Variants in WWC2 observed in about 807,000 individuals in gnomAD.
WWC2 encodes WW and C2 domain containing 2, also known as protein WWC2.
In WWC2, 101 loss-of-function variants were observed where a neutral mutation model predicts 138.5. That is an observed-to-expected ratio of 0.73 (90% CI 0.62 to 0.86). The LOEUF (loss-of-function observed/expected upper bound fraction) is 0.86. Among genes scored for constraint, WWC2 ranks in the 40% least tolerant of loss-of-function variants. The pLI is 0.00. For synonymous variants in WWC2, 558 were observed against 538.4 expected (o/e 1.04, Z -0.50); for missense variants, 1,420 against 1,419.4 (o/e 1.00, Z -0.01).
intron 4 of WWC2, among the ~76,000 whole-genome samples, chr4:183,221,332 C>T (rs982715598): frequency 2.6e-5 from 4 of 152,174 alleles, no homozygotes; most frequent in Non-Finnish European, 4.4e-5. Context: ...AAGGACAAAT[C>T]TCTAATTATA....
chr4:183,183,860 C>T (rs958835514), intron 1 of WWC2, among the ~76,000 whole-genome samples: 9 of 151,606 alleles, frequency 5.9e-5, no homozygotes, highest in Non-Finnish European at 8.8e-5. Flanking sequence ...TTGTATTTGG[C>T]GTTTCTTTTT....
intron 21 of WWC2, among the ~76,000 whole-genome samples, chr4:183,293,378 G>C (rs973243587): frequency 7.9e-5 from 12 of 152,186 alleles, no homozygotes; most frequent in African/African-American, 2.9e-4. Context: ...AGATTAAGGA[G>C]AAAAATCATT....
intron 8 of WWC2, among the ~76,000 whole-genome samples, chr4:183,252,539 A>G (rs563012751): frequency 4.9e-4 from 74 of 152,190 alleles, no homozygotes; most frequent in Non-Finnish European, 9.4e-4. Context: ...AAAATTATGG[A>G]AACAGTGAGG....
intron 1 of WWC2, among the ~76,000 whole-genome samples, chr4:183,107,088 T>C (rs566402467): frequency 6.6e-6 from 1 of 152,064 alleles, no homozygotes; most frequent in Non-Finnish European, 1.5e-5. Context: ...TTCTCTCTCT[T>C]TCTCTCCTTC....
chr4:183,206,326 T>C (rs1580056845), intron 2 of WWC2, among the ~76,000 whole-genome samples: 2 of 152,166 alleles, frequency 1.3e-5, no homozygotes, highest in Admixed American at 1.3e-4. Flanking sequence ...TCAAGCTTCA[T>C]GTGTTTTCTG....
intron 1 of WWC2, among the ~76,000 whole-genome samples, chr4:183,172,550 TTTC>T (rs1456979029): frequency 2.7e-4 from 39 of 147,098 alleles, no homozygotes; most frequent in African/African-American, 8.8e-4. Context: ...TGCTTTTATG[TTTC>T]TTGTTTTTTT....
intron 8 of WWC2, 23 bp from the exon 9 acceptor site, chr4:183,253,734 C>T (rs2111341861): frequency 1.2e-6 from 2 of 1,601,188 alleles, no homozygotes; most frequent in African/African-American, 1.4e-5. Context: ...ATGTGCATAC[C>T]TCTTCTATCT....
chr4:183,270,324 C>T (rs945606355), intron 15 of WWC2, among the ~76,000 whole-genome samples: 1 of 152,082 alleles, frequency 6.6e-6, no homozygotes, highest in Middle Eastern at 3.2e-3. Context: ...TTATCCTTTA[C>T]TTTTTTTGCC....
intron 4 of WWC2, among the ~76,000 whole-genome samples, chr4:183,219,104 T>C (rs943439723): frequency 2.6e-5 from 4 of 152,078 alleles, no homozygotes; most frequent in African/African-American, 9.7e-5. Context: ...AGAACAAATA[T>C]GATTCATCTT....
intron 1 of WWC2, among the ~76,000 whole-genome samples, chr4:183,180,271 G>A (rs1380361804): frequency 2.6e-5 from 4 of 152,092 alleles, no homozygotes; most frequent in African/African-American, 9.7e-5. Context: ...GGTGTCATAG[G>A]CATCTGCAAC....
chr4:183,281,058 G>T, intron 17 of WWC2, 161 bp downstream of exon 17: 1 of 1,036,984 alleles, frequency 9.6e-7, no homozygotes. Context: ...TCATTAGAGA[G>T]TTAAGGAAGT....
chr4:183,099,556 A>G lies in WWC2; in HGVS notation c.65A>G (p.Tyr22Cys). 7.0e-7 allele frequency: 1 copy of G among 1,423,784 alleles called. No individual in the cohort carries two copies. Among genetic ancestry groups the G allele is most frequent in the Non-Finnish European group, 9.3e-7 (1 of 1,072,850 alleles). 88.2% of individuals were successfully genotyped at this position (1,423,784 alleles called of 1,614,324 possible). ...CGGGGCTGGGAGGAGGCCAGGGACTACGACGGCAAGGTCTTCTACATTGAC... is the reference window on the plus strand; with the variant it reads ...CGGGGCTGGGAGGAGGCCAGGGACTGCGACGGCAAGGTCTTCTACATTGAC... ...LPRGWEEARD[Y>C]DGKVFYIDHN... The change falls in exon 1 of 23, where the codon TAC (tyrosine) becomes TGC (cysteine). Residue 22 changes from tyrosine to cysteine, a missense_variant. By Grantham distance (194) the Tyr-to-Cys change is radical (BLOSUM62 -2). Transcript: ENST00000403733.
chr4:183,161,737 A>C (rs1208497622), intron 1 of WWC2, among the ~76,000 whole-genome samples: 3 of 152,214 alleles, frequency 2.0e-5, no homozygotes. Context: ...TTTGCAGCCT[A>C]GGAGCGAAAG....
intron 4 of WWC2, among the ~76,000 whole-genome samples, chr4:183,214,461 T>G (rs1214775075): frequency 6.6e-6 from 1 of 152,074 alleles, no homozygotes; most frequent in Non-Finnish European, 1.5e-5. Context: ...GCTAATTATC[T>G]CACACAGCAA....
At chr4:183,111,703 T>G (rs1342275304) in intron 1 of WWC2, among the ~76,000 whole-genome samples, 2 of 152,010 alleles carry the variant, frequency 1.3e-5, no homozygotes, top group Non-Finnish European at 2.9e-5. Context: ...GTTTTGTTTT[T>G]TTTTTTTTGA....
At chr4:183,315,568 A>T (rs946369355) in intron 22 of WWC2, 95 bp from the exon 23 acceptor site, 6 of 879,634 alleles carry the variant, frequency 6.8e-6, no homozygotes, top group Admixed American at 2.7e-5. Flanking sequence ...TTGCAGAGAC[A>T]TCACTGCCAC....
chr4:183,208,595 A>G (rs1412975581), intron 3 of WWC2, among the ~76,000 whole-genome samples: 1 of 152,198 alleles, frequency 6.6e-6, no homozygotes, highest in Non-Finnish European at 1.5e-5. Context: ...GGCTTTGTTT[A>G]AAGAAGCAGC....
intron 21 of WWC2, among the ~76,000 whole-genome samples, chr4:183,308,823 G>A (rs1739109499): frequency 6.6e-6 from 1 of 152,098 alleles, no homozygotes; most frequent in Non-Finnish European, 1.5e-5. Context: ...TAATGACAAG[G>A]AAAAACAATG....
intron 1 of WWC2, among the ~76,000 whole-genome samples, chr4:183,173,204 C>T (rs1734343395): frequency 1.3e-5 from 2 of 152,064 alleles, no homozygotes; most frequent in Admixed American, 6.6e-5. Flanking sequence ...GCTGCCATGC[C>T]TGGCTAATTT....
Sources: gnomAD v4.1 joint callset for allele counts (sites outside exome capture counted in the v4.1 genomes callset) on GRCh38, gnomAD v4.1.1 for gene constraint, MANE v1.5 for transcripts, NCBI Gene and HGNC (gene_info 2026-07-23, HGNC 2026-07-21) for gene names.